Variants in TMEM254 observed in about 807,000 individuals in gnomAD.
TMEM254 encodes the protein transmembrane protein C10orf57.
In TMEM254, 16 loss-of-function variants were observed where a neutral mutation model predicts 13.9. The observed-to-expected ratio is 1.15, with a 90% CI of 0.78 to 1.75. The LOEUF is 1.75. Ranked by LOEUF, TMEM254 falls within the 40% of genes most tolerant of loss-of-function variation. The pLI is 0.00. For missense variants in TMEM254, 155 were observed against 149.0 expected (o/e 1.04, Z -0.21); for synonymous variants, 61 against 56.4 (o/e 1.08, Z -0.36).
rs938973266 is a variant in TMEM254, at chr10:80,081,824, C to T, written c.88-17C>T. The T allele has an allele frequency of 4.3e-6, 7 of 1,613,890 alleles. No homozygotes were observed. In the Admixed American group the frequency reaches 8.3e-5, roughly 19 times the overall value. On this transcript the variant is annotated splice_polypyrimidine_tract_variant and intron_variant, in intron 1 of 3. Transcript: ENST00000372281. ...AAGTGACCTAATAGGTATTCTGTGT[C>T]TCTGCTTCTCTTTCAGTGGGTTGTC...
At chr10:80,090,642 T>C (rs1932577) in intron 3 of TMEM254, among the ~76,000 whole-genome samples, 155 bp from the exon 4 acceptor site, 150,146 of 152,290 alleles carry the variant, frequency 0.99, 74,050 homozygotes, top group East Asian at 1. Context: ...GAAAAATAAA[T>C]GAACCATCCA....
rs538102436 is a variant in TMEM254, at chr10:80,082,315, T to G, written c.251+111T>G. 3.5e-5 allele frequency: 45 copies of G among 1,285,722 alleles called. No individual in the cohort carries two copies. The African/African-American group carries it at 6.3e-4, about 18-fold the overall frequency. 79.6% of individuals were successfully genotyped at this position (1,285,722 alleles called of 1,614,324 possible). A position where few individuals can be genotyped will look rare whatever the true frequency, so the allele number is the denominator to read the frequency against. On this transcript the variant is annotated intron_variant, in intron 3 of 3. Transcript: ENST00000372281. ...TTGTAGGCTGAGAATATTCTCAGGG[T>G]AGAGCGGAATCCCCATGCCTGATAC...
rs75549383 is a variant in TMEM254, at chr10:80,079,396, G to A, written c.87+610G>A. On this transcript the variant is annotated intron_variant, in intron 1 of 3. Transcript: ENST00000372281. ...CCTCACCTCTGCATGGTTACTAACG[G>A]GTTATCCGAGCCTAAGCCTCTCACG... is the stretch of plus-strand genomic sequence containing the variant. 43 of 1,105,578 alleles carry A rather than the reference G, an allele frequency of 3.9e-5. No homozygotes were observed. The African/African-American group carries it at 6.3e-4, about 16-fold the overall frequency. 68.5% of individuals were successfully genotyped at this position (1,105,578 alleles called of 1,614,324 possible). A position where few individuals can be genotyped will look rare whatever the true frequency, so the allele number is the denominator to read the frequency against.
intron 3 of TMEM254, among the ~76,000 whole-genome samples, chr10:80,085,456 A>T (rs923871739): frequency 6.6e-6 from 1 of 151,832 alleles, no homozygotes; most frequent in African/African-American, 2.4e-5. Flanking sequence ...TACCCCAGCT[A>T]CTCAGGAGGC....
chr10:80,082,066 C>T, intron 2 of TMEM254, 79 bp from the exon 3 acceptor site: 2 of 1,588,158 alleles, frequency 1.3e-6, no homozygotes, highest in Non-Finnish European at 1.7e-6. Context: ...AGGCACTTTT[C>T]TTTTTGAGAT....
intron 3 of TMEM254, among the ~76,000 whole-genome samples, chr10:80,087,345 A>T (rs556487688): frequency 1.3e-3 from 198 of 152,248 alleles, no homozygotes; most frequent in Non-Finnish European, 2.6e-3. Flanking sequence ...TTGAAGATTA[A>T]AGAATGAATA....
At position 80,081,895 on chromosome 10, in the gene TMEM254, C is replaced by T; in HGVS notation, c.142C>T (p.Pro48Ser). 6.2e-7 allele frequency: 1 copy of T among 1,614,168 alleles called. No individual in the cohort carries two copies. The highest frequency in any genetic ancestry group is 2.2e-5 in the East Asian group (1 of 44,876). ...IPYQNLGPLG[P>S]FTQYLVDHHH... Reference sequence around the variant, plus strand: ...TTATCAGAACCTTGGGCCCCTGGGCCCCTTCACTCAGTACTTGGTGGACCA... The same window carrying T: ...TTATCAGAACCTTGGGCCCCTGGGCTCCTTCACTCAGTACTTGGTGGACCA... The change falls in exon 2 of 4, where the codon CCC (proline) becomes TCC (serine). Residue 48 changes from proline (P) to serine (S), a missense_variant. Coordinates refer to ENST00000372281, the MANE Select transcript of TMEM254 (RefSeq NM_025125.4).
intron 3 of TMEM254, among the ~76,000 whole-genome samples, chr10:80,084,610 G>T (rs1589384361): frequency 1.3e-5 from 2 of 152,070 alleles, no homozygotes; most frequent in African/African-American, 2.4e-5. Context: ...AAATGGTTCT[G>T]TTGAGGCCAT....
chr10:80,091,208 G>A lies in TMEM254; in HGVS notation c.*291G>A, dbSNP rs1257209324. The stretch of plus-strand genomic sequence containing the variant: ...AGTCTTTGGCTGTGTTGGTACCCTC[G>A]TGTGCTCTGAGCTAAGCCACATACT... On this transcript the variant is annotated 3_prime_UTR_variant, in exon 4 of 4. Coordinates refer to ENST00000372281, the MANE Select transcript of TMEM254 (RefSeq NM_025125.4). The A allele has an allele frequency of 3.1e-5, 8 of 262,250 alleles. No individual in the cohort carries two copies. The highest frequency in any genetic ancestry group is 2.9e-5 in the Non-Finnish European group (4 of 139,316). 16.2% of individuals were successfully genotyped at this position (262,250 alleles called of 1,614,324 possible). A position where few individuals can be genotyped will look rare whatever the true frequency, so the allele number is the denominator to read the frequency against.
chr10:80,089,867 T>C (rs1055674027), intron 3 of TMEM254, among the ~76,000 whole-genome samples: 3 of 151,516 alleles, frequency 2.0e-5, no homozygotes, highest in Non-Finnish European at 4.4e-5. Context: ...TAGCCAGGCG[T>C]GGTGGCGGGC....
rs189196327 is a variant in TMEM254 at position 80,084,080 on chromosome 10, T to G, written c.251+1876T>G. 4.8e-3 allele frequency among the ~76,000 whole-genome samples: 732 copies of G among 151,922 alleles called. 9 individuals are homozygous for G. Among genetic ancestry groups the G allele is most frequent in the African/African-American group, 0.017 (692 of 41,450 alleles). ...AGCCTGGGTGACAGAGCAAGACCCT[T>G]TCTCAAAAAAAATAAAAGTTAAAAA... On this transcript the variant is annotated intron_variant, in intron 3 of 3. Transcript: ENST00000372281.
intron 1 of TMEM254, among the ~76,000 whole-genome samples, chr10:80,081,079 A>G (rs903826272): frequency 5.3e-5 from 8 of 151,382 alleles, no homozygotes; most frequent in Non-Finnish European, 2.9e-5. Context: ...AACTCCATCT[A>G]AAATAAATAA....
intron 1 of TMEM254, 176 bp downstream of exon 1, chr10:80,078,962 G>C (rs1843795658): frequency 1.3e-6 from 2 of 1,535,866 alleles, no homozygotes; most frequent in Admixed American, 4.0e-5. Context: ...AAGCATACTG[G>C]TCCGCCAGGG....
chr10:80,082,905 G>A (rs1423660645), intron 3 of TMEM254, among the ~76,000 whole-genome samples: 1 of 151,956 alleles, frequency 6.6e-6, no homozygotes, highest in Non-Finnish European at 1.5e-5. Flanking sequence ...ATAATTAATT[G>A]AATTAATTTC....
intron 1 of TMEM254, 34 bp downstream of exon 1, chr10:80,078,820 G>A (rs1027515903): frequency 4.5e-6 from 7 of 1,567,916 alleles, no homozygotes; most frequent in South Asian, 3.5e-5. Context: ...ACGGTCTGAC[G>A]AACGAGCGAG....
At chr10:80,089,799 C>T (rs112369375) in intron 3 of TMEM254, among the ~76,000 whole-genome samples, 121 of 151,816 alleles carry the variant, frequency 8.0e-4, no homozygotes, top group African/African-American at 2.8e-3. Flanking sequence ...GTCAAGAGAT[C>T]GAGACCATCC....
intron 3 of TMEM254, among the ~76,000 whole-genome samples, chr10:80,086,838 T>G (rs12572838): frequency 9.4e-6 from 1 of 105,864 alleles, no homozygotes. Context: ...AAGACTCCAT[T>G]TCAAAAAAAA....
intron 3 of TMEM254, chr10:80,086,413 A>G (rs866045081): frequency 9.7e-6 from 4 of 410,466 alleles, no homozygotes; most frequent in Non-Finnish European, 1.3e-5. Flanking sequence ...ATTTTTCTTT[A>G]CTAAATATCA....
intron 1 of TMEM254, chr10:80,081,547 A>C: frequency 1.4e-6 from 1 of 727,024 alleles, no homozygotes; most frequent in Non-Finnish European, 2.3e-6. Context: ...ACACACGTGT[A>C]GTCCCATCTA....
Sources: allele counts gnomAD v4.1 joint callset (sites outside exome capture counted in the v4.1 genomes callset), GRCh38; gene constraint gnomAD v4.1.1; transcripts MANE v1.5; gene names NCBI Gene and HGNC (gene_info 2026-07-23, HGNC 2026-07-21).